TNFSF4: variants seen among roughly 807,000 people sequenced by gnomAD.
TNFSF4 encodes tumor necrosis factor ligand superfamily member 4.
In TNFSF4, 4 loss-of-function variants were observed where a neutral mutation model predicts 7.3. That is an observed-to-expected ratio of 0.55 (90% CI 0.27 to 1.25). TNFSF4 has a LOEUF of 1.25. Among genes scored for constraint, TNFSF4 ranks in the 50% most tolerant of loss-of-function variants. The pLI is 0.12. For missense variants in TNFSF4, 181 were observed against 208.8 expected, an observed-to-expected ratio of 0.87 and a Z score of 0.82; for synonymous variants, 76 against 83.7, an observed-to-expected ratio of 0.91 and a Z score of 0.50.
At chr1:173,320,998 C>T in the TNFSF4 span, among the ~76,000 whole-genome samples, 4 of 151,978 alleles carry the variant, frequency 2.6e-5, no homozygotes, top group Admixed American at 2.0e-4. Flanking sequence ...CGTATGGAAC[C>T]AAAAAAGAGC....
chr1:173,383,664 A>G, the TNFSF4 span, among the ~76,000 whole-genome samples: 1 of 152,026 alleles, frequency 6.6e-6, no homozygotes, highest in Non-Finnish European at 1.5e-5. Flanking sequence ...CAGAGAATTA[A>G]GCAATTTAAT....
chr1:173,210,075 G>C (rs989936058), upstream of TNFSF4, among the ~76,000 whole-genome samples: 2 of 151,620 alleles, frequency 1.3e-5, no homozygotes, highest in African/African-American at 4.8e-5. Context: ...TTGTTGTTTG[G>C]ATTTTTTGGT....
the TNFSF4 span, among the ~76,000 whole-genome samples, chr1:173,258,364 G>A: frequency 3.9e-5 from 6 of 152,080 alleles, no homozygotes; most frequent in Admixed American, 6.5e-5. Flanking sequence ...TGGCCCACCC[G>A]AGAGCAGATT....
chr1:173,429,040 C>T, the TNFSF4 span, among the ~76,000 whole-genome samples: 1 of 151,468 alleles, frequency 6.6e-6, no homozygotes, highest in African/African-American at 2.4e-5. Context: ...AAAGAAATAA[C>T]ATATCAAATT....
chr1:173,262,852 G>A, the TNFSF4 span, among the ~76,000 whole-genome samples: 77 of 152,148 alleles, frequency 5.1e-4, no homozygotes, highest in African/African-American at 1.8e-3. Flanking sequence ...CGCCCGTCTC[G>A]GCCTCCTAAA....
the TNFSF4 span, among the ~76,000 whole-genome samples, chr1:173,241,348 CT>C: frequency 6.6e-6 from 1 of 152,210 alleles, no homozygotes; most frequent in African/African-American, 2.4e-5. Context: ...TGTGACCCCC[CT>C]GATCTGAATA....
chr1:173,247,326 A>G, the TNFSF4 span, among the ~76,000 whole-genome samples: 1 of 152,222 alleles, frequency 6.6e-6, no homozygotes, highest in South Asian at 2.1e-4. Flanking sequence ...ATTTCCTCCA[A>G]ACCTGTGGCT....
chr1:173,355,439 C>T, the TNFSF4 span, among the ~76,000 whole-genome samples: 1 of 152,190 alleles, frequency 6.6e-6, no homozygotes, highest in East Asian at 1.9e-4. Context: ...AGACGTACAA[C>T]AATAACACTT....
the TNFSF4 span, among the ~76,000 whole-genome samples, chr1:173,291,174 G>A: frequency 2.2e-4 from 33 of 152,270 alleles, 3 homozygotes; most frequent in South Asian, 6.8e-3. Flanking sequence ...AGGCAAAACA[G>A]GAGCGAGCAC....
At chr1:173,222,255 T>C in the TNFSF4 span, among the ~76,000 whole-genome samples, 2 of 152,126 alleles carry the variant, frequency 1.3e-5, no homozygotes, top group African/African-American at 4.8e-5. Context: ...TAGGGAGTAC[T>C]AAATGAAACC....
chr1:173,175,002 CTCTTACG>C, the TNFSF4 span: 1 of 152,212 alleles, frequency 6.6e-6, no homozygotes, highest in Non-Finnish European at 1.5e-5. Flanking sequence ...CTTTTAGAGT[CTCTTACG>C]TCTTTGTTTT....
At chr1:173,294,384 C>T in the TNFSF4 span, among the ~76,000 whole-genome samples, 120 of 151,954 alleles carry the variant, frequency 7.9e-4, no homozygotes, top group Admixed American at 1.5e-3. Context: ...TTCTCACTTA[C>T]GAGTAGGAGT....
chr1:173,411,901 C>T, the TNFSF4 span, among the ~76,000 whole-genome samples: 1 of 152,050 alleles, frequency 6.6e-6, no homozygotes, highest in Non-Finnish European at 1.5e-5. Context: ...GGGCAGACCA[C>T]GAGGTCAGGA....
At chr1:173,206,394 C>T (rs750415536) in intron 1 of TNFSF4, among the ~76,000 whole-genome samples, 1 of 152,100 alleles carries the variant, frequency 6.6e-6, no homozygotes, top group Non-Finnish European at 1.5e-5. Flanking sequence ...TCTCCTACTA[C>T]ATGATGTATT....
chr1:173,211,470 C>A (rs2102007186), upstream of TNFSF4, among the ~76,000 whole-genome samples: 2 of 152,260 alleles, frequency 1.3e-5, no homozygotes, highest in South Asian at 4.1e-4. Context: ...CCTATTGCTT[C>A]TAATCCAAAC....
the TNFSF4 span, among the ~76,000 whole-genome samples, chr1:173,248,209 T>C: frequency 1.3e-5 from 2 of 151,868 alleles, no homozygotes; most frequent in African/African-American, 4.8e-5. Context: ...CAAAAAAAAT[T>C]AGCTGGGCCT....
the TNFSF4 span, among the ~76,000 whole-genome samples, chr1:173,399,609 CAA>C: frequency 3.1e-5 from 4 of 131,038 alleles, no homozygotes; most frequent in South Asian, 2.4e-4. Context: ...TCTGTATGGA[CAA>C]AAAAAAAAAA....
chr1:173,188,655 GA>G, intron 1 of TNFSF4, 86 bp from the exon 2 acceptor site: 2 of 1,096,058 alleles, frequency 1.8e-6, no homozygotes, highest in Non-Finnish European at 2.8e-6. Flanking sequence ...CAGTGAAGCA[GA>G]AATGCAGTAG....
the TNFSF4 span, among the ~76,000 whole-genome samples, chr1:173,262,730 G>A: frequency 4.6e-5 from 7 of 151,678 alleles, no homozygotes; most frequent in African/African-American, 1.5e-4. Context: ...AGCCTCCCGA[G>A]TAGCTGGGAC....
Sources: gnomAD v4.1 joint callset for allele counts (sites outside exome capture counted in the v4.1 genomes callset) on GRCh38, gnomAD v4.1.1 for gene constraint, MANE v1.5 for transcripts, NCBI Gene and HGNC (gene_info 2026-07-23, HGNC 2026-07-21) for gene names.